Variants in TARBP1 observed in about 807,000 individuals in gnomAD.
TARBP1 encodes the protein tRNA guanosine 2 -O-methyltransferase TARBP1.
TARBP1 carries 144 observed loss-of-function variants against 178.6 expected under a neutral mutation model. That is an observed-to-expected ratio of 0.81 (90% CI 0.70 to 0.93). The LOEUF (loss-of-function observed/expected upper bound fraction) is 0.93. Ranked by LOEUF, TARBP1 falls within the 40% of genes least tolerant of loss-of-function variation. The pLI, the probability that TARBP1 is intolerant of heterozygous loss-of-function variation, is 0.00. For synonymous variants in TARBP1, 787 were observed against 781.0 expected (o/e 1.01, Z -0.13); for missense variants, 2,067 against 2,011.7 (o/e 1.03, Z -0.53).
chr1:234,440,742 A>ATAT (rs1435168668), intron 12 of TARBP1, among the ~76,000 whole-genome samples: 1 of 152,202 alleles, frequency 6.6e-6, no homozygotes, highest in Non-Finnish European at 1.5e-5. Context: ...ATATACTAGT[A>ATAT]ACACACAGTT....
chr1:234,437,378 TG>T lies in TARBP1; in HGVS notation c.2135-7del. 2 of 1,478,460 alleles carry T rather than the reference TG, an allele frequency of 1.4e-6. No homozygotes were observed. Among genetic ancestry groups the T allele is most frequent in the East Asian group, 2.3e-5 (1 of 42,714 alleles). 91.6% of individuals were successfully genotyped at this position (1,478,460 alleles called of 1,614,324 possible). A position where few individuals can be genotyped will look rare whatever the true frequency, so the allele number is the denominator to read the frequency against. On this transcript the variant is annotated splice_region_variant and splice_polypyrimidine_tract_variant and intron_variant, in intron 12 of 29. Transcript: ENST00000040877. ...AAGAACAGTAGACACCTCATCTGTA[TG>T]GGGGCAAAAAGCATGCAACTAAAAT...
At chr1:234,449,202 G>C (rs1666488722) in intron 10 of TARBP1, among the ~76,000 whole-genome samples, 1 of 152,250 alleles carries the variant, frequency 6.6e-6, no homozygotes, top group East Asian at 1.9e-4. Context: ...GAGAGACCAG[G>C]AAACCTTGCA....
chr1:234,448,682 T>A, intron 10 of TARBP1, 103 bp from the exon 11 acceptor site: 1 of 844,592 alleles, frequency 1.2e-6, no homozygotes, highest in South Asian at 1.5e-5. Flanking sequence ...AATATTAAAT[T>A]ATGAGAGAAA....
chr1:234,405,918 CT>C lies in TARBP1; in HGVS notation c.3973del (p.Ser1325AlafsTer32). The part of the protein sequence containing the change: ...VIESSLHQVE[S>X]MHGAGNAKKN... Reference sequence around the variant, plus strand: ...GGCTCCTTACCCTGCTCCGTGCATGCTTTCCACTTGATGGAGGCTGGATTCA... The same window carrying C: ...GGCTCCTTACCCTGCTCCGTGCATGCTTCCACTTGATGGAGGCTGGATTCA... On this transcript the variant is annotated frameshift_variant, in exon 24 of 30. Transcript: ENST00000040877. LOFTEE classifies it high-confidence loss of function. The C allele has an allele frequency of 6.2e-7, 1 of 1,614,048 alleles. No homozygotes were observed. Among genetic ancestry groups the C allele is most frequent in the African/African-American group, 1.3e-5 (1 of 75,044 alleles).
At position 234,447,426 on chromosome 1, in the gene TARBP1, A is replaced by C. The variant is rs1666307229; in HGVS notation, c.1962-451T>G. On this transcript the variant is annotated intron_variant, in intron 11 of 29. Coordinates refer to ENST00000040877, the MANE Select transcript of TARBP1 (RefSeq NM_005646.4). ...TTTTTTTTTTTTGAGATGGGGTCTC[A>C]CTCTGTCGCCCAGGCTGGAGTGCTG... Among the ~76,000 whole-genome samples the C allele has an allele frequency of 2.4e-5, 3 of 124,388 alleles. No homozygotes were observed. In the Admixed American group the frequency reaches 3.1e-4, roughly 13 times the overall value. The allele number at this position is 124,388 out of a possible 152,430, so 81.6% of individuals were successfully genotyped here. A position where few individuals can be genotyped will look rare whatever the true frequency, so the allele number is the denominator to read the frequency against.
intron 25 of TARBP1, among the ~76,000 whole-genome samples, chr1:234,399,545 C>T (rs995333304): frequency 1.3e-5 from 2 of 151,994 alleles, no homozygotes; most frequent in South Asian, 2.1e-4. Flanking sequence ...GGTATATACA[C>T]AAGGACTATA....
intron 20 of TARBP1, among the ~76,000 whole-genome samples, chr1:234,421,693 T>G (rs1663115861): frequency 6.6e-6 from 1 of 152,252 alleles, no homozygotes; most frequent in East Asian, 1.9e-4. Context: ...CTCTCTGGCT[T>G]TTCATGGCTT....
chr1:234,450,506 T>C lies in TARBP1; in HGVS notation c.1783A>G (p.Ile595Val). The change falls in exon 10 of 30, where the codon ATT (isoleucine) becomes GTT (valine). Residue 595 changes from isoleucine (I) to valine (V), a missense_variant. Transcript: ENST00000040877. Reference protein sequence around the residue: ...YFKPSPTCSSIGLHKTSLNAY... With the variant: ...YFKPSPTCSSVGLHKTSLNAY... The stretch of plus-strand genomic sequence containing the variant: ...TTTAAAGATGTCTTGTGAAGTCCAA[T>C]GGAGCTACACGTAGGGGATGGCTTA... The C allele has an allele frequency of 6.2e-7, 1 of 1,612,116 alleles. No individual in the cohort carries two copies. The highest frequency in any genetic ancestry group is 8.5e-7 in the Non-Finnish European group (1 of 1,179,342).
chr1:234,455,033 G>C (rs1667141659), intron 9 of TARBP1, among the ~76,000 whole-genome samples: 1 of 152,192 alleles, frequency 6.6e-6, no homozygotes, highest in African/African-American at 2.4e-5. Flanking sequence ...TTTGAAGATG[G>C]AGAAAGGACC....
At chr1:234,426,167 A>G (rs1663740294) in intron 19 of TARBP1, among the ~76,000 whole-genome samples, 2 of 152,208 alleles carry the variant, frequency 1.3e-5, no homozygotes, top group South Asian at 4.1e-4. Flanking sequence ...CATGATACAC[A>G]TCAAACACGT....
chr1:234,462,812 C>G (rs879817032), intron 6 of TARBP1, among the ~76,000 whole-genome samples: 1 of 151,710 alleles, frequency 6.6e-6, no homozygotes, highest in Admixed American at 6.6e-5. Flanking sequence ...TCATGATATA[C>G]AGACCATATT....
In TARBP1 at chr1:234,429,788, A is replaced by C. The variant is rs1188674709; in HGVS notation, c.2610-111T>G. The C allele has an allele frequency of 6.5e-6, 8 of 1,228,628 alleles. No homozygotes were observed. In the Admixed American group the frequency reaches 7.2e-5, roughly 11 times the overall value. The allele number at this position is 1,228,628 out of a possible 1,614,324, so 76.1% of individuals were successfully genotyped here. On this transcript the variant is annotated intron_variant, in intron 15 of 29. Transcript: ENST00000040877. ...GTGGGGGGGGGGGGGCAGTGTACAG[A>C]TATAAATGGTCATTATCAAACAGCC...
chr1:234,418,665 G>A (rs1225403840), intron 21 of TARBP1, among the ~76,000 whole-genome samples: 1 of 152,200 alleles, frequency 6.6e-6, no homozygotes, highest in Non-Finnish European at 1.5e-5. Flanking sequence ...CAGGTCTTGG[G>A]CCACTGAGCC....
At position 234,429,155 on chromosome 1, in the gene TARBP1, G is replaced by T; in HGVS notation, c.3041C>A (p.Ala1014Glu). ...AGTTACCTCTTTTATTTTGAAATATGCCTGGCCCTTGATTTTGGCAGCAAT... is the reference window on the plus strand; with the variant it reads ...AGTTACCTCTTTTATTTTGAAATATTCCTGGCCCTTGATTTTGGCAGCAAT... ...LTIAAKIKGQ[A>E]YFKIKEIMYK... The change falls in exon 17 of 30, where the codon GCA becomes GAA. Residue 1014 changes from alanine to glutamate, a missense_variant. Physicochemically the swap from Ala to Glu is moderately radical, Grantham distance 107. Coordinates refer to ENST00000040877, the MANE Select transcript of TARBP1 (RefSeq NM_005646.4). The T allele has an allele frequency of 6.3e-7, 1 of 1,583,674 alleles. No individual in the cohort carries two copies. The highest frequency in any genetic ancestry group is 8.5e-7 in the Non-Finnish European group (1 of 1,172,078).
At chr1:234,425,338 C>T (rs1160659549) in intron 20 of TARBP1, among the ~76,000 whole-genome samples, 1 of 152,182 alleles carries the variant, frequency 6.6e-6, no homozygotes. Flanking sequence ...CATTATTGTT[C>T]TCTAAAACCA....
Position 234,393,817 on chromosome 1 carries a change from C to A in TARBP1, c.4264G>T (p.Asp1422Tyr). 1 of 1,610,868 alleles carries A rather than the reference C, an allele frequency of 6.2e-7. No homozygotes were observed. The highest frequency in any genetic ancestry group is 8.5e-7 in the Non-Finnish European group (1 of 1,178,156). The part of the protein sequence containing the change: ...QDIGTNLVEA[D>Y]NQAEWTDVQK... ...ACGTCGGTCCACTCCGCTTGGTTAT[C>A]TGCTTCGACCAAATTAGTACCTGGG... The change falls in exon 27 of 30, where the codon GAT (aspartate) becomes TAT (tyrosine). Residue 1422 changes from aspartate to tyrosine, a missense_variant. Physicochemically the swap from Asp to Tyr is radical, Grantham distance 160. Coordinates refer to ENST00000040877, the MANE Select transcript of TARBP1 (RefSeq NM_005646.4).
At position 234,465,658 on chromosome 1, in the gene TARBP1, G is replaced by A; in HGVS notation, c.1299C>T (p.Ser433=). ...TTCATAACATAATGTCTCTTTACCT[G>A]CTATACAGAGAGCTCTCTGAAAGCG... ...MDALSESSLY[S]RSPGQPIGSC... is the part of the protein sequence containing the mutation. The change falls in exon 5 of 30, where the codon AGC becomes AGT. Residue 433 remains serine (S), a splice_region_variant and synonymous_variant. Transcript: ENST00000040877. The A allele has an allele frequency of 1.3e-6, 2 of 1,569,242 alleles. No individual in the cohort carries two copies. The highest frequency in any genetic ancestry group is 2.3e-5 in the East Asian group (1 of 43,756).
chr1:234,436,937 A>G (rs1665083926), intron 13 of TARBP1, among the ~76,000 whole-genome samples: 1 of 152,198 alleles, frequency 6.6e-6, no homozygotes, highest in Non-Finnish European at 1.5e-5. Context: ...TCCGGTCTCA[A>G]AGCTGCCACA....
intron 22 of TARBP1, among the ~76,000 whole-genome samples, chr1:234,413,626 CG>C (rs909250444): frequency 6.6e-6 from 1 of 152,114 alleles, no homozygotes; most frequent in Admixed American, 6.5e-5. Context: ...GCAAGCCTTA[CG>C]GGATACTCCG....
Sources: gnomAD v4.1 joint callset for allele counts (sites outside exome capture counted in the v4.1 genomes callset) on GRCh38, gnomAD v4.1.1 for gene constraint, MANE v1.5 for transcripts, NCBI Gene and HGNC (gene_info 2026-07-23, HGNC 2026-07-21) for gene names.